WDR45B: variants seen among roughly 807,000 people sequenced by gnomAD.
The protein encoded by WDR45B is WD repeat domain phosphoinositide-interacting protein 3.
WDR45B carries 20 observed loss-of-function variants against 44.6 expected under a neutral mutation model. The ratio of observed to expected loss-of-function variants is 0.45; its 90% CI spans 0.32 to 0.65. The LOEUF is 0.65. Ranked by LOEUF, WDR45B falls within the 30% of genes least tolerant of loss-of-function variation. The pLI is 0.05. For missense variants in WDR45B, 323 were observed against 430.2 expected, an observed-to-expected ratio of 0.75 and a Z score of 2.20; for synonymous variants, 169 against 164.9, an observed-to-expected ratio of 1.02 and a Z score of -0.19.
At chr17:82,645,844 C>T (rs1229062315) in intron 1 of WDR45B, among the ~76,000 whole-genome samples, 3 of 152,124 alleles carry the variant, frequency 2.0e-5, no homozygotes, top group Admixed American at 6.6e-5. Flanking sequence ...ATGATCTGGC[C>T]GGGCACGGTG....
At chr17:82,627,160 G>A (rs2045708375) in intron 4 of WDR45B, 44 bp downstream of exon 4, 1 of 1,444,462 alleles carries the variant, frequency 6.9e-7, no homozygotes, top group Non-Finnish European at 9.7e-7. Context: ...CATCTTTTGA[G>A]AAAGTGAAAT....
rs1036442760 is a variant in WDR45B at position 82,626,903 on chromosome 17, T to C, written c.332+301A>G. Reference sequence around the variant, plus strand: ...AAGGCTCAAAACTCATGTCCTCAGCTCTGCACATGTCGGAATGGGACATAA... The same window carrying C: ...AAGGCTCAAAACTCATGTCCTCAGCCCTGCACATGTCGGAATGGGACATAA... On this transcript the variant is annotated intron_variant, in intron 4 of 9. Transcript: ENST00000392325. 6.5e-6 allele frequency: 3 copies of C among 460,554 alleles called. No homozygotes were observed. In the Admixed American group the frequency reaches 1.0e-4, roughly 16 times the overall value. 28.5% of individuals were successfully genotyped at this position (460,554 alleles called of 1,614,324 possible). A position where few individuals can be genotyped will look rare whatever the true frequency, so the allele number is the denominator to read the frequency against.
chr17:82,646,889 G>A (rs1433040849), intron 1 of WDR45B, among the ~76,000 whole-genome samples: 1 of 152,180 alleles, frequency 6.6e-6, no homozygotes, highest in Non-Finnish European at 1.5e-5. Flanking sequence ...AAGCCTGACT[G>A]GTCCCAGGGC....
In WDR45B at chr17:82,625,431, G is replaced by C; in HGVS notation, c.385C>G (p.Pro129Ala). The change falls in exon 5 of 10, where the codon CCC (proline) becomes GCC (alanine). Residue 129 changes from proline (P) to alanine (A), a missense_variant. By Grantham distance (27) the Pro-to-Ala change is conservative. Coordinates refer to ENST00000392325, the MANE Select transcript of WDR45B (RefSeq NM_019613.4). ...GTTTCGAAGACGTGCAACTGATGGG[G>C]ATTGTGTGTGAATGTGAACACCTTA... is the stretch of plus-strand genomic sequence containing the variant. ...MIKVFTFTHN[P>A]HQLHVFETCY... is the part of the protein sequence containing the mutation. 1.2e-6 allele frequency: 2 copies of C among 1,614,204 alleles called. No individual in the cohort carries two copies. The highest frequency in any genetic ancestry group is 8.5e-7 in the Non-Finnish European group (1 of 1,180,042).
At chr17:82,648,138 G>C in intron 1 of WDR45B, 136 bp downstream of exon 1, 1 of 1,029,314 alleles carries the variant, frequency 9.7e-7, no homozygotes, top group East Asian at 3.1e-5. Context: ...GGGCTTCGGA[G>C]GGGAGCTCGG....
intron 2 of WDR45B, among the ~76,000 whole-genome samples, chr17:82,642,436 C>T (rs1229590143): frequency 6.6e-6 from 1 of 152,164 alleles, no homozygotes; most frequent in Non-Finnish European, 1.5e-5. Flanking sequence ...GAAACCAGTC[C>T]CCGGTGCCGA....
At chr17:82,627,127 CA>C in intron 4 of WDR45B, 76 bp downstream of exon 4, 1 of 1,227,708 alleles carries the variant, frequency 8.1e-7, no homozygotes. Context: ...ATTTTTCTGC[CA>C]AAAATAGAAA....
Position 82,627,103 on chromosome 17 carries a change from A to G in WDR45B, c.332+101T>C, listed in dbSNP as rs2045707817. 5 of 969,806 alleles carry G rather than the reference A, an allele frequency of 5.2e-6. No individual in the cohort carries two copies. The East Asian group carries it at 1.2e-4, about 23-fold the overall frequency. 60.1% of individuals were successfully genotyped at this position (969,806 alleles called of 1,614,324 possible). On this transcript the variant is annotated intron_variant, in intron 4 of 9. Transcript: ENST00000392325. ...AAAACCAGGACCAACATTTTAATACATCATTTCCTAAACATTTTTCTGCCA... is the reference window on the plus strand; with the variant it reads ...AAAACCAGGACCAACATTTTAATACGTCATTTCCTAAACATTTTTCTGCCA...
chr17:82,628,030 TC>T (rs1449715765), intron 3 of WDR45B, among the ~76,000 whole-genome samples: 1 of 152,148 alleles, frequency 6.6e-6, no homozygotes, highest in Non-Finnish European at 1.5e-5. Flanking sequence ...TCTCATTCTC[TC>T]GCCCAGGCTG....
chr17:82,640,701 C>G (rs552139050), intron 2 of WDR45B, among the ~76,000 whole-genome samples: 1 of 152,090 alleles, frequency 6.6e-6, no homozygotes, highest in African/African-American at 2.4e-5. Flanking sequence ...AGTGCAGAGC[C>G]AAACTGTTTA....
intron 7 of WDR45B, among the ~76,000 whole-genome samples, chr17:82,618,149 C>T (rs990799862): frequency 1.5e-4 from 23 of 152,126 alleles, no homozygotes; most frequent in African/African-American, 5.6e-4. Flanking sequence ...AGGCTGGTCT[C>T]GAACTCCTGA....
intron 4 of WDR45B, 96 bp from the exon 5 acceptor site, chr17:82,625,579 G>T: frequency 8.5e-7 from 1 of 1,172,978 alleles, no homozygotes. Flanking sequence ...GAGAAACACT[G>T]AAAATACCAC....
At chr17:82,618,271 A>G (rs891366986) in intron 7 of WDR45B, among the ~76,000 whole-genome samples, 2 of 152,222 alleles carry the variant, frequency 1.3e-5, no homozygotes, top group Non-Finnish European at 2.9e-5. Flanking sequence ...AATGCTGCTC[A>G]ATACTAGCCA....
At chr17:82,619,355 A>G (rs1367224253) in intron 6 of WDR45B, among the ~76,000 whole-genome samples, 1 of 152,088 alleles carries the variant, frequency 6.6e-6, no homozygotes, top group African/African-American at 2.4e-5. Flanking sequence ...AAGTCAAGAG[A>G]GGCTTCCAGA....
chr17:82,640,283 G>C (rs2045896839), intron 2 of WDR45B, among the ~76,000 whole-genome samples: 1 of 152,022 alleles, frequency 6.6e-6, no homozygotes, highest in Non-Finnish European at 1.5e-5. Flanking sequence ...CCACCACTCA[G>C]GAAAGCAAAC....
intron 3 of WDR45B, among the ~76,000 whole-genome samples, 164 bp downstream of exon 3, chr17:82,630,757 T>A (rs1219455812): frequency 1.3e-5 from 2 of 152,198 alleles, no homozygotes; most frequent in African/African-American, 4.8e-5. Flanking sequence ...CATCTGGGAA[T>A]AGAGACCTGG....
At chr17:82,638,561 A>C (rs930523495) in intron 2 of WDR45B, among the ~76,000 whole-genome samples, 1 of 151,888 alleles carries the variant, frequency 6.6e-6, no homozygotes, top group African/African-American at 2.4e-5. Context: ...ATGTCTGAAT[A>C]CTGGCATAAC....
At chr17:82,645,254 C>T (rs1351174748) in intron 1 of WDR45B, among the ~76,000 whole-genome samples, 3 of 151,216 alleles carry the variant, frequency 2.0e-5, no homozygotes, top group South Asian at 2.1e-4. Flanking sequence ...GCTCAGATCA[C>T]GCCACTGCAC....
intron 2 of WDR45B, among the ~76,000 whole-genome samples, chr17:82,640,838 T>G (rs1406503496): frequency 6.6e-6 from 1 of 152,062 alleles, no homozygotes. Flanking sequence ...CATGCTAAGC[T>G]CAGGGACAGC....
Sources: allele counts gnomAD v4.1 joint callset (sites outside exome capture counted in the v4.1 genomes callset), GRCh38; gene constraint gnomAD v4.1.1; transcripts MANE v1.5; gene names NCBI Gene and HGNC (gene_info 2026-07-23, HGNC 2026-07-21).